CNTNAP2: variants seen among roughly 807,000 people sequenced by gnomAD.
The protein encoded by CNTNAP2 is contactin associated protein 2.
CNTNAP2 carries 98 observed loss-of-function variants against 155.2 expected under a neutral mutation model. The ratio of observed to expected loss-of-function variants is 0.63; its 90% CI spans 0.54 to 0.75. The LOEUF is 0.75. Among genes scored for constraint, CNTNAP2 ranks in the 30% least tolerant of loss-of-function variants. CNTNAP2 has a pLI of 0.00. For missense variants in CNTNAP2, 1,727 were observed against 1,688.1 expected (o/e 1.02, Z -0.40); for synonymous variants, 651 against 631.2 (o/e 1.03, Z -0.47).
intron 8 of CNTNAP2, among the ~76,000 whole-genome samples, chr7:147,226,574 C>A (rs1288015002): frequency 1.3e-5 from 2 of 152,040 alleles, no homozygotes; most frequent in Non-Finnish European, 2.9e-5. Context: ...CCTTCTCTCA[C>A]CCATGTGCAT....
At chr7:148,145,797 A>C (rs1805166017) in intron 16 of CNTNAP2, among the ~76,000 whole-genome samples, 1 of 152,194 alleles carries the variant, frequency 6.6e-6, no homozygotes, top group Non-Finnish European at 1.5e-5. Flanking sequence ...GATGGAGGTC[A>C]CTGGCCTGCA....
chr7:146,639,680 T>C (rs948531428), intron 1 of CNTNAP2, among the ~76,000 whole-genome samples: 5 of 152,180 alleles, frequency 3.3e-5, no homozygotes, highest in Admixed American at 2.0e-4. Flanking sequence ...AAAATGACAG[T>C]AGTTAGCAAT....
intron 1 of CNTNAP2, among the ~76,000 whole-genome samples, chr7:146,306,390 A>AT (rs939722701): frequency 1.1e-4 from 16 of 152,166 alleles, no homozygotes; most frequent in Non-Finnish European, 2.1e-4. Context: ...TCTCTAATTC[A>AT]TTTTTTGAGG....
chr7:146,244,478 G>A (rs1799613598), intron 1 of CNTNAP2, among the ~76,000 whole-genome samples: 1 of 152,182 alleles, frequency 6.6e-6, no homozygotes, highest in Non-Finnish European at 1.5e-5. Flanking sequence ...AGCTCAAATG[G>A]CCTGTACCTT....
intron 11 of CNTNAP2, among the ~76,000 whole-genome samples, chr7:147,505,324 C>T (rs1198818915): frequency 6.8e-6 from 1 of 146,942 alleles, no homozygotes; most frequent in East Asian, 1.9e-4. Context: ...TATTTTGTAA[C>T]TTCTAAAAAC....
chr7:147,834,168 G>A lies in CNTNAP2; in HGVS notation c.2099-69397G>A, dbSNP rs369386451. Reference sequence around the variant, plus strand: ...CAGGGAACAATACACCCTTTTTCTTGTAGTGCAAGAATAATGATTTGCTGG... The same window carrying A: ...CAGGGAACAATACACCCTTTTTCTTATAGTGCAAGAATAATGATTTGCTGG... On this transcript the variant is annotated intron_variant, in intron 13 of 23. Transcript: ENST00000361727. Among the ~76,000 whole-genome samples, 49 of 151,980 alleles carry A rather than the reference G, an allele frequency of 3.2e-4. 1 individual carries two copies. The highest frequency in any genetic ancestry group is 1.0e-3 in the African/African-American group (42 of 41,442).
chr7:146,426,399 A>G lies in CNTNAP2; in HGVS notation c.97+309426A>G, dbSNP rs868345272. Among the ~76,000 whole-genome samples, 821 of 145,906 alleles carry G rather than the reference A, an allele frequency of 5.6e-3. 9 individuals carry two copies. The highest frequency in any genetic ancestry group is 0.02 in the African/African-American group (765 of 38,324). ...GAAAACAAAATGTATATATATATAT[A>G]TATATATATACACACACACACATAT... is the stretch of plus-strand genomic sequence containing the variant. On this transcript the variant is annotated intron_variant, in intron 1 of 23. Coordinates refer to ENST00000361727, the MANE Select transcript of CNTNAP2 (RefSeq NM_014141.6).
chr7:148,077,028 C>A (rs541518419), intron 15 of CNTNAP2, among the ~76,000 whole-genome samples: 1 of 151,408 alleles, frequency 6.6e-6, no homozygotes, highest in Admixed American at 6.6e-5. Flanking sequence ...TATATACAGG[C>A]GGGGCATGGT....
chr7:146,472,573 A>G (rs115838783), intron 1 of CNTNAP2, among the ~76,000 whole-genome samples: 3,000 of 152,264 alleles, frequency 0.02, 101 homozygotes, highest in African/African-American at 0.068. Context: ...ACCATACCAT[A>G]AATATGAAAA....
At chr7:146,794,306 T>TA (rs1166493000) in intron 2 of CNTNAP2, among the ~76,000 whole-genome samples, 4 of 152,200 alleles carry the variant, frequency 2.6e-5, no homozygotes, top group African/African-American at 4.8e-5. Context: ...ATTATCACAG[T>TA]AAAAAAGTCT....
intron 1 of CNTNAP2, among the ~76,000 whole-genome samples, chr7:146,182,788 C>G (rs1467973261): frequency 6.6e-6 from 1 of 152,166 alleles, no homozygotes; most frequent in Non-Finnish European, 1.5e-5. Flanking sequence ...CATCGAACTT[C>G]CTCACTGTTC....
At chr7:147,406,004 T>G (rs533916077) in intron 10 of CNTNAP2, among the ~76,000 whole-genome samples, 1 of 152,202 alleles carries the variant, frequency 6.6e-6, no homozygotes, top group Non-Finnish European at 1.5e-5. Flanking sequence ...GGTGACATAA[T>G]GTAGGTTTTC....
intron 21 of CNTNAP2, among the ~76,000 whole-genome samples, chr7:148,323,985 G>C (rs762286975): frequency 2.7e-5 from 4 of 150,340 alleles, no homozygotes; most frequent in Non-Finnish European, 5.9e-5. Context: ...CTGGGTTCAA[G>C]TGATTCTCCT....
rs530292623 is a variant in CNTNAP2 at position 146,128,658 on chromosome 7, AG to A, written c.97+11687del. On this transcript the variant is annotated intron_variant, in intron 1 of 23. Coordinates refer to ENST00000361727, the MANE Select transcript of CNTNAP2 (RefSeq NM_014141.6). ...TCCTCCAAATTACCCAAATATTTCTAGGTACACAACCAGTGTTAAATAAATA... is the reference window on the plus strand; with the variant it reads ...TCCTCCAAATTACCCAAATATTTCTAGTACACAACCAGTGTTAAATAAATA... Among the ~76,000 whole-genome samples, 74 of 152,300 alleles carry A rather than the reference AG, an allele frequency of 4.9e-4. 1 individual carries two copies. Among genetic ancestry groups the A allele is most frequent in the African/African-American group, 1.8e-3 (73 of 41,590 alleles).
chr7:147,590,140 G>A (rs576869660), intron 12 of CNTNAP2, among the ~76,000 whole-genome samples: 2 of 152,178 alleles, frequency 1.3e-5, no homozygotes, highest in African/African-American at 2.4e-5. Context: ...AACATAATTT[G>A]TGAGTCACAC....
chr7:147,612,568 T>A (rs1801208329), intron 12 of CNTNAP2, among the ~76,000 whole-genome samples: 2 of 151,932 alleles, frequency 1.3e-5, no homozygotes, highest in African/African-American at 4.8e-5. Flanking sequence ...GCCTGGCTAA[T>A]TTTTGTATTT....
At chr7:147,893,423 T>G (rs1799725193) in intron 13 of CNTNAP2, among the ~76,000 whole-genome samples, 1 of 152,218 alleles carries the variant, frequency 6.6e-6, no homozygotes, top group African/African-American at 2.4e-5. Context: ...AACAAGGTCC[T>G]GGATTGGTAT....
intron 9 of CNTNAP2, among the ~76,000 whole-genome samples, chr7:147,373,429 C>T (rs1311386314): frequency 2.0e-5 from 3 of 151,960 alleles, no homozygotes; most frequent in East Asian, 1.9e-4. Context: ...CACAAATAAC[C>T]TACAGCTTTG....
chr7:147,330,882 G>T (rs1306651878), intron 9 of CNTNAP2, among the ~76,000 whole-genome samples: 2 of 152,070 alleles, frequency 1.3e-5, no homozygotes, highest in African/African-American at 2.4e-5. Flanking sequence ...CACAAACTTG[G>T]AAGGAATATC....
Sources: allele counts gnomAD v4.1 joint callset (sites outside exome capture counted in the v4.1 genomes callset), GRCh38; gene constraint gnomAD v4.1.1; transcripts MANE v1.5; gene names NCBI Gene and HGNC (gene_info 2026-07-23, HGNC 2026-07-21).